Variants in CHMP3 observed in about 807,000 individuals in gnomAD.
The protein encoded by CHMP3 is charged multivesicular body protein 3, also known as 25.1 protein.
A neutral mutation model predicts 27.4 loss-of-function variants in CHMP3; 8 were observed. The observed-to-expected ratio is 0.29, with a 90% CI of 0.17 to 0.53. CHMP3 has a LOEUF of 0.53. CHMP3 is among the 20% of genes least tolerant of loss of function. The pLI is 0.96. For missense variants in CHMP3, 208 were observed against 271.5 expected (o/e 0.77, Z 1.64); for synonymous variants, 86 against 85.5 (o/e 1.01, Z -0.03).
chr2:86,529,172 G>A (rs1480910671), intron 3 of CHMP3, 46 bp downstream of exon 3: 6 of 1,486,316 alleles, frequency 4.0e-6, no homozygotes, highest in Non-Finnish European at 4.5e-6. Context: ...GATAATAACA[G>A]CAACCCCGGC....
chr2:86,534,055 T>C (rs75459648), intron 2 of CHMP3, among the ~76,000 whole-genome samples: 180 of 152,308 alleles, frequency 1.2e-3, no homozygotes, highest in African/African-American at 4.0e-3. Context: ...ACCTTATATA[T>C]CTTTTAAATT....
intron 4 of CHMP3, among the ~76,000 whole-genome samples, chr2:86,508,896 ATGCT>A (rs1674986789): frequency 6.6e-6 from 1 of 152,222 alleles, no homozygotes; most frequent in Non-Finnish European, 1.5e-5. Flanking sequence ...AGTGCAATAA[ATGCT>A]TGCTAATTGG....
At chr2:86,529,179 C>T (rs752227662) in intron 3 of CHMP3, 39 bp downstream of exon 3, 6 of 1,512,032 alleles carry the variant, frequency 4.0e-6, no homozygotes, top group African/African-American at 1.4e-5. Flanking sequence ...ACAGCAACCC[C>T]GGCATTATGA....
chr2:86,544,130 C>A (rs1481442214), intron 1 of CHMP3, among the ~76,000 whole-genome samples: 1 of 152,212 alleles, frequency 6.6e-6, no homozygotes, highest in Non-Finnish European at 1.5e-5. Context: ...TGTATCAGTA[C>A]TTCAGTCCTT....
intron 4 of CHMP3, among the ~76,000 whole-genome samples, chr2:86,509,478 T>C (rs753923253): frequency 7.2e-5 from 11 of 152,186 alleles, no homozygotes; most frequent in South Asian, 2.1e-4. Context: ...CTGTACATAA[T>C]TCAAGTTCAT....
At chr2:86,513,340 C>G (rs2104746616) in intron 3 of CHMP3, among the ~76,000 whole-genome samples, 2 of 152,040 alleles carry the variant, frequency 1.3e-5, no homozygotes, top group Non-Finnish European at 2.9e-5. Context: ...CAGTGGTTGC[C>G]AAGAGTTAGT....
chr2:86,536,156 C>T (rs1402244068), intron 2 of CHMP3, among the ~76,000 whole-genome samples: 5 of 151,194 alleles, frequency 3.3e-5, no homozygotes, highest in South Asian at 2.1e-4. Flanking sequence ...CCACTACGCC[C>T]GGCTAATTTT....
chr2:86,555,976 C>G (rs1216452484), intron 1 of CHMP3, among the ~76,000 whole-genome samples: 3 of 152,090 alleles, frequency 2.0e-5, no homozygotes, highest in Non-Finnish European at 2.9e-5. Flanking sequence ...ATATGTTATC[C>G]TCTGTTTTTT....
chr2:86,542,661 C>CA (rs1176299330), intron 1 of CHMP3: 1 of 182,904 alleles, frequency 5.5e-6, no homozygotes, highest in Admixed American at 5.9e-5. Flanking sequence ...TCATCTTTCA[C>CA]AGGTAGTCAT....
intron 3 of CHMP3, among the ~76,000 whole-genome samples, chr2:86,517,944 C>A (rs909231040): frequency 6.6e-6 from 1 of 152,092 alleles, no homozygotes; most frequent in African/African-American, 2.4e-5. Flanking sequence ...TCACCTAAGC[C>A]ACGGAGGTTG....
chr2:86,532,685 T>G (rs116829810), intron 2 of CHMP3, among the ~76,000 whole-genome samples: 5 of 152,188 alleles, frequency 3.3e-5, no homozygotes, highest in Non-Finnish European at 7.4e-5. Context: ...TCAATTGAGA[T>G]GATAATGTGA....
chr2:86,527,021 G>A (rs1675740312), intron 3 of CHMP3: 1 of 152,056 alleles, frequency 6.6e-6, no homozygotes, highest in Non-Finnish European at 1.5e-5. Context: ...GAATGAAACT[G>A]GGAAGGTGTA....
intron 3 of CHMP3, among the ~76,000 whole-genome samples, chr2:86,516,146 CA>C (rs35800757): frequency 1.3e-3 from 111 of 83,668 alleles, no homozygotes; most frequent in African/African-American, 3.4e-3. Context: ...GACTCCATCT[CA>C]AAAAAAAAAA....
chr2:86,510,586 C>T lies in CHMP3; in HGVS notation c.287-107G>A, dbSNP rs1470586755. On this transcript the variant is annotated intron_variant, in intron 3 of 5. Transcript: ENST00000263856. ...ATGACAGCAGTAGCAGATGGACTCC[C>T]GAAGTTATTTGTGTGCCTTTAAATT... 63 of 1,469,234 alleles carry T rather than the reference C, an allele frequency of 4.3e-5. No individual in the cohort carries two copies. In the East Asian group the frequency reaches 6.3e-4, roughly 15 times the overall value. 91.0% of individuals were successfully genotyped at this position (1,469,234 alleles called of 1,614,324 possible).
chr2:86,534,754 T>C (rs1676059414), intron 2 of CHMP3, among the ~76,000 whole-genome samples: 1 of 152,254 alleles, frequency 6.6e-6, no homozygotes, highest in African/African-American at 2.4e-5. Context: ...ATCTATTTTA[T>C]CTGATAATAA....
At chr2:86,524,006 T>A (rs145014228) in intron 3 of CHMP3, among the ~76,000 whole-genome samples, 21 of 152,280 alleles carry the variant, frequency 1.4e-4, no homozygotes, top group African/African-American at 4.3e-4. Context: ...ATCATGATAA[T>A]GATGATAATA....
intron 1 of CHMP3, among the ~76,000 whole-genome samples, chr2:86,543,554 C>T (rs1310931123): frequency 2.0e-5 from 3 of 152,226 alleles, no homozygotes; most frequent in Non-Finnish European, 4.4e-5. Context: ...CTTGGACTGG[C>T]ATCACTCTTG....
chr2:86,542,221 GA>G (rs746209016), intron 2 of CHMP3, 30 bp downstream of exon 2: 2 of 1,608,792 alleles, frequency 1.2e-6, no homozygotes, highest in Non-Finnish European at 1.7e-6. Context: ...CCAAGAGGGT[GA>G]AAAATAGAAG....
intron 2 of CHMP3, among the ~76,000 whole-genome samples, chr2:86,540,075 A>G (rs1676303150): frequency 6.6e-6 from 1 of 152,020 alleles, no homozygotes; most frequent in Non-Finnish European, 1.5e-5. Context: ...CATTCTTATC[A>G]CTGTTTATTG....
Sources: gnomAD v4.1 joint callset for allele counts (sites outside exome capture counted in the v4.1 genomes callset) on GRCh38, gnomAD v4.1.1 for gene constraint, MANE v1.5 for transcripts, NCBI Gene and HGNC (gene_info 2026-07-23, HGNC 2026-07-21) for gene names.